The following CENPE variants were observed in gnomAD, a reference collection of about 807,000 sequenced individuals.
CENPE encodes the protein centromere protein E.
A neutral mutation model predicts 336.1 loss-of-function variants in CENPE; 145 were observed. That is an observed-to-expected ratio of 0.43 (90% CI 0.38 to 0.50). The LOEUF is 0.50. CENPE is among the 20% of genes least tolerant of loss of function. CENPE has a pLI of 0.00. For missense variants in CENPE, 2,719 were observed against 3,023.3 expected (o/e 0.90, Z 2.36); for synonymous variants, 1,013 against 984.8 (o/e 1.03, Z -0.54).
intron 40 of CENPE, among the ~76,000 whole-genome samples, chr4:103,135,809 T>C (rs563269656): frequency 1.3e-5 from 2 of 152,340 alleles, no homozygotes; most frequent in East Asian, 3.9e-4. Flanking sequence ...AGTTTCATCT[T>C]CTGTAATTTT....
At chr4:103,110,329 G>A (rs72944919) in intron 47 of CENPE, among the ~76,000 whole-genome samples, 1,549 of 151,850 alleles carry the variant, frequency 0.01, 31 homozygotes, top group African/African-American at 0.035. Flanking sequence ...TTTTGTTTTT[G>A]TTTCTTTTTT....
Position 103,158,586 on chromosome 4 carries a change from T to C in CENPE, c.2874+28A>G, listed in dbSNP as rs1283392472. On this transcript the variant is annotated intron_variant, in intron 23 of 48. Transcript: ENST00000265148. ...CAATGTTTTTAAGAGTCTCCAATTT[T>C]TCAAAGTTTAATCAATCAAAACCTT... 1.7e-5 allele frequency: 27 copies of C among 1,561,876 alleles called. No individual in the cohort carries two copies. In the African/African-American group the frequency reaches 2.1e-4, roughly 12 times the overall value.
At chr4:103,122,698 T>C in intron 43 of CENPE, among the ~76,000 whole-genome samples, 173 bp downstream of exon 43, 1 of 152,332 alleles carries the variant, frequency 6.6e-6, no homozygotes, top group South Asian at 2.1e-4. Flanking sequence ...AATGTCTAGC[T>C]TTATAATTAG....
At chr4:103,136,577 A>G (rs1752087550) in intron 39 of CENPE, among the ~76,000 whole-genome samples, 1 of 152,242 alleles carries the variant, frequency 6.6e-6, no homozygotes, top group Non-Finnish European at 1.5e-5. Context: ...ATTTAAGCAA[A>G]TATAACAAAG....
chr4:103,123,036 T>G lies in CENPE; in HGVS notation c.6978A>C (p.Lys2326Asn). The G allele has an allele frequency of 6.2e-7, 1 of 1,613,982 alleles. No individual in the cohort carries two copies. The highest frequency in any genetic ancestry group is 1.3e-5 in the African/African-American group (1 of 75,034). ...GTGATTTCAGGTCCTGTTCCCACTC[T>G]TTGGATATGGTAGCACTTCTTTCCT... is the stretch of plus-strand genomic sequence containing the variant. ...EFEERSATIS[K>N]EWEQDLKSLK... is the part of the protein sequence containing the mutation. Residue 2326 changes from lysine to asparagine, a missense_variant, in exon 43 of 49, where the codon AAA becomes AAC. Physicochemically the swap from Lys to Asn is moderately conservative, Grantham distance 94 (BLOSUM62 0). Coordinates refer to ENST00000265148, the MANE Select transcript of CENPE (RefSeq NM_001813.3).
intron 24 of CENPE, among the ~76,000 whole-genome samples, chr4:103,156,342 C>G (rs1467234442): frequency 6.6e-6 from 1 of 152,068 alleles, no homozygotes; most frequent in East Asian, 1.9e-4. Context: ...ACTTATAAAG[C>G]TACAGTAATC....
intron 44 of CENPE, among the ~76,000 whole-genome samples, chr4:103,117,670 T>TA (rs1017198076): frequency 7.0e-6 from 1 of 143,220 alleles, no homozygotes; most frequent in African/African-American, 2.6e-5. Flanking sequence ...CTCTGTCACC[T>TA]AGGCTGGGGT....
chr4:103,198,197 T>C, intron 1 of CENPE, 67 bp downstream of exon 1: 1 of 1,468,358 alleles, frequency 6.8e-7, no homozygotes, highest in East Asian at 2.5e-5. Flanking sequence ...ATCGTAGGCC[T>C]CGCCCCTCCG....
intron 8 of CENPE, among the ~76,000 whole-genome samples, chr4:103,193,315 A>C (rs556165221): frequency 1.3e-5 from 2 of 152,306 alleles, no homozygotes; most frequent in Non-Finnish European, 2.9e-5. Context: ...ACAAGATTAA[A>C]GTCTACTAAA....
chr4:103,136,204 T>C lies in CENPE; in HGVS notation c.6459A>G (p.Glu2153=). 1.1e-5 allele frequency: 17 copies of C among 1,613,938 alleles called. No individual in the cohort carries two copies. The highest frequency in any genetic ancestry group is 1.4e-5 in the Non-Finnish European group (17 of 1,179,880). The change falls in exon 40 of 49, where the codon GAA becomes GAG. Residue 2153 remains glutamate, a synonymous_variant. Transcript: ENST00000265148. ...SLPYLQTKHI[E]KLFTANQRCS... ...ATCTCTGGTTTGCAGTAAAAAGTTT[T>C]TCAATGTGTTTGGTTTGTAAATAGG...
At chr4:103,139,760 T>C in intron 38 of CENPE, 29 bp downstream of exon 38, 1 of 1,540,706 alleles carries the variant, frequency 6.5e-7, no homozygotes, top group Non-Finnish European at 8.7e-7. Context: ...TATTAATAGT[T>C]ACTACACAAA....
chr4:103,167,575 C>T (rs1755027576), intron 16 of CENPE, among the ~76,000 whole-genome samples: 1 of 152,092 alleles, frequency 6.6e-6, no homozygotes, highest in African/African-American at 2.4e-5. Context: ...AGGAGGTCAC[C>T]TGCTCACATC....
At chr4:103,111,411 C>T (rs1447608417) in intron 46 of CENPE, among the ~76,000 whole-genome samples, 1 of 152,152 alleles carries the variant, frequency 6.6e-6, no homozygotes, top group Admixed American at 6.5e-5. Context: ...GAGGGCCACC[C>T]CGTCATTCAG....
Position 103,153,041 on chromosome 4 carries a change from T to C in CENPE, c.3237+6A>G. On this transcript the variant is annotated splice_donor_region_variant and intron_variant, in intron 25 of 48. Transcript: ENST00000265148. ...GTAATGCCAAGTATACAGTGCTAAA[T>C]CCTACCATTTCAATATTTTCCTTTA... 1 of 1,601,634 alleles carries C rather than the reference T, an allele frequency of 6.2e-7. No individual in the cohort carries two copies. Among genetic ancestry groups the C allele is most frequent in the South Asian group, 1.1e-5 (1 of 89,470 alleles).
At chr4:103,134,044 CCA>C (rs1751848030) in intron 40 of CENPE, 152 bp from the exon 41 acceptor site, 2 of 641,062 alleles carry the variant, frequency 3.1e-6, no homozygotes, top group African/African-American at 3.7e-5. Flanking sequence ...CTCTCTATCC[CCA>C]GTTTTTCCTC....
Position 103,195,252 on chromosome 4 carries a change from T to C in CENPE, c.358-19A>G, listed in dbSNP as rs370448599. ...CAGGAAACTAGAAGAAAAAAAATTATATAAAAACACCAGGAAGCATCCAAT... is the reference window on the plus strand; with the variant it reads ...CAGGAAACTAGAAGAAAAAAAATTACATAAAAACACCAGGAAGCATCCAAT... On this transcript the variant is annotated intron_variant, in intron 4 of 48. Coordinates refer to ENST00000265148, the MANE Select transcript of CENPE (RefSeq NM_001813.3). 65 of 1,562,992 alleles carry C rather than the reference T, an allele frequency of 4.2e-5. No homozygotes were observed. The highest frequency in any genetic ancestry group is 1.8e-4 in the Middle Eastern group (1 of 5,436).
chr4:103,161,056 T>G, intron 20 of CENPE, 30 bp downstream of exon 20: 1 of 1,529,788 alleles, frequency 6.5e-7, no homozygotes, highest in Non-Finnish European at 8.8e-7. Flanking sequence ...AAGTCAGATT[T>G]GAAAAAAGAT....
intron 41 of CENPE, 64 bp from the exon 42 acceptor site, chr4:103,132,960 T>TTATATATATATATATATATATATA (rs56951110): frequency 0.017 from 2,446 of 146,996 alleles, 110 homozygotes; most frequent in Non-Finnish European, 0.019. Context: ...AATATTTTAT[T>TTATATATATATATATATATATATA]TATATATATA....
intron 16 of CENPE, among the ~76,000 whole-genome samples, chr4:103,168,017 C>T (rs753380357): frequency 6.6e-5 from 10 of 152,194 alleles, no homozygotes; most frequent in Non-Finnish European, 1.3e-4. Context: ...ACATGCCCAT[C>T]TGAGCCACCA....
Sources: allele counts gnomAD v4.1 joint callset (sites outside exome capture counted in the v4.1 genomes callset), GRCh38; gene constraint gnomAD v4.1.1; transcripts MANE v1.5; gene names NCBI Gene and HGNC (gene_info 2026-07-23, HGNC 2026-07-21).